ZNF326: variants seen among roughly 807,000 people sequenced by gnomAD.
ZNF326 encodes zinc finger protein 326, also known as DBIRD complex subunit ZNF326.
In ZNF326, 30 loss-of-function variants were observed where a neutral mutation model predicts 63.1. The observed-to-expected ratio is 0.48, with a 90% CI of 0.36 to 0.64. The LOEUF (loss-of-function observed/expected upper bound fraction) is 0.64, where lower values mean the gene tolerates loss of function less well. Ranked by LOEUF, ZNF326 falls within the 30% of genes least tolerant of loss-of-function variation. ZNF326 has a pLI of 0.00. For missense variants in ZNF326, 609 were observed against 720.3 expected, an observed-to-expected ratio of 0.85 and a Z score of 1.77; for synonymous variants, 194 against 228.2, an observed-to-expected ratio of 0.85 and a Z score of 1.35.
chr1:90,013,691 G>A (rs1011010184), intron 7 of ZNF326, among the ~76,000 whole-genome samples: 2 of 152,164 alleles, frequency 1.3e-5, no homozygotes, highest in African/African-American at 4.8e-5. Context: ...AATACACAAA[G>A]CTAATTATTA....
At chr1:89,996,923 T>G (rs1648407475) in intron 1 of ZNF326, among the ~76,000 whole-genome samples, 1 of 152,254 alleles carries the variant, frequency 6.6e-6, no homozygotes, top group South Asian at 2.1e-4. Context: ...AACAGTTCTT[T>G]CCACTCCCCA....
In ZNF326 at chr1:90,017,437, T is replaced by C; in HGVS notation, c.1047T>C (p.Phe349=). ...TLDHIQKQTK[F]DKVVMEFLHE... ...ATCATATACAGAAACAAACTAAATT[T>C]GATAAAGTAGTTATGGAGTTTTTGC... is the stretch of plus-strand genomic sequence containing the variant. The change falls in exon 8 of 12, where the codon TTT becomes TTC. Residue 349 remains phenylalanine (F), a synonymous_variant. Transcript: ENST00000340281. 6.3e-7 allele frequency: 1 copy of C among 1,592,800 alleles called. No homozygotes were observed. Among genetic ancestry groups the C allele is most frequent in the Non-Finnish European group, 8.5e-7 (1 of 1,174,188 alleles).
chr1:90,007,420 TA>T lies in ZNF326; in HGVS notation c.287del (p.Asn96MetfsTer46). 6.2e-7 allele frequency: 1 copy of T among 1,614,186 alleles called. No homozygotes were observed. Among genetic ancestry groups the T allele is most frequent in the Non-Finnish European group, 8.5e-7 (1 of 1,180,010 alleles). On this transcript the variant is annotated frameshift_variant, in exon 5 of 12. Coordinates refer to ENST00000340281, the MANE Select transcript of ZNF326 (RefSeq NM_182976.4). LOFTEE classifies it high-confidence loss of function. The surrounding 1 kb of genome is among the most constrained non-coding windows in gnomAD (Gnocchi z 4.9). ...RDLYRSGYGFNEPEQSRFGGS... is the reference protein window; with the variant it reads ...RDLYRSGYGFXEPEQSRFGGS... ...ATCTGTACAGATCTGGCTATGGTTTTAATGAACCCGAACAAAGCCGCTTCGG... is the reference window on the plus strand; with the variant it reads ...ATCTGTACAGATCTGGCTATGGTTTTATGAACCCGAACAAAGCCGCTTCGG...
At position 90,007,447 on chromosome 1, in the gene ZNF326, A is replaced by C. The variant is rs1250323102; in HGVS notation, c.312A>C (p.Gly104=). 9.3e-6 allele frequency: 15 copies of C among 1,613,834 alleles called. No homozygotes were observed. Among genetic ancestry groups the C allele is most frequent in the Non-Finnish European group, 1.7e-6 (2 of 1,179,992 alleles). ...GFNEPEQSRF[G]GSYGGRFESS... The stretch of plus-strand genomic sequence containing the variant: ...ATGAACCCGAACAAAGCCGCTTCGG[A>C]GGTAGTTATGGTGGTCGATTTGAGA... Residue 104 remains glycine, a synonymous_variant, in exon 5 of 12, where the codon GGA becomes GGC. Transcript: ENST00000340281. This position sits in a 1 kb window ranked among gnomAD's most constrained non-coding sequence, Gnocchi z 4.9.
At position 90,028,687 on chromosome 1, in the gene ZNF326, A is replaced by C. The variant is rs557304462; in HGVS notation, c.*986A>C. The C allele has an allele frequency of 2.6e-5, 4 of 152,326 alleles. No homozygotes were observed. In the East Asian group the frequency reaches 7.7e-4, roughly 29 times the overall value. The allele number at this position is 152,326 out of a possible 1,614,324, so 9.4% of individuals were successfully genotyped here. ...TGGCTTATATACCTACATATTTAAA[A>C]AGAGAACATGAGCTTGATAGAGGAT... On this transcript the variant is annotated 3_prime_UTR_variant, in exon 12 of 12. Coordinates refer to ENST00000340281, the MANE Select transcript of ZNF326 (RefSeq NM_182976.4).
intron 10 of ZNF326, among the ~76,000 whole-genome samples, chr1:90,021,300 T>C (rs1042386962): frequency 6.6e-6 from 1 of 152,094 alleles, no homozygotes; most frequent in Non-Finnish European, 1.5e-5. Flanking sequence ...ATCGTAGCTT[T>C]TGTTGAACTG....
In ZNF326 at chr1:90,030,972, A is replaced by G. The variant is rs1650246487; in HGVS notation, c.*3271A>G. ...CCACCACGCCTATCCTGGAGGTGAT[A>G]TATTTTTAACAAATATCTCACATGA... is the stretch of plus-strand genomic sequence containing the variant. On this transcript the variant is annotated 3_prime_UTR_variant, in exon 12 of 12. Coordinates refer to ENST00000340281, the MANE Select transcript of ZNF326 (RefSeq NM_182976.4). The G allele has an allele frequency of 1.3e-5, 2 of 152,190 alleles. No individual in the cohort carries two copies. The highest frequency in any genetic ancestry group is 4.8e-5 in the African/African-American group (2 of 41,434). The allele number at this position is 152,190 out of a possible 1,614,324, so 9.4% of individuals were successfully genotyped here.
chr1:90,005,312 A>C, intron 4 of ZNF326, 68 bp downstream of exon 4: 3 of 1,556,514 alleles, frequency 1.9e-6, no homozygotes, highest in Non-Finnish European at 1.7e-6. Context: ...TATTTTAAGT[A>C]CTCTTTAGGC....
chr1:90,027,631 A>G lies in ZNF326; in HGVS notation c.1679A>G (p.Glu560Gly). The G allele has an allele frequency of 6.2e-7, 1 of 1,613,896 alleles. No homozygotes were observed. Among genetic ancestry groups the G allele is most frequent in the Non-Finnish European group, 8.5e-7 (1 of 1,179,944 alleles). ...VEGVGEVEEVEELEEETAKEE... is the reference protein window; with the variant it reads ...VEGVGEVEEVGELEEETAKEE... ...GGAGTGGGGGAAGTAGAGGAAGTAG[A>G]GGAATTAGAGGAAGAGACAGCAAAG... The change falls in exon 12 of 12, where the codon GAG (glutamate) becomes GGG (glycine). Residue 560 changes from glutamate to glycine, a missense_variant. This residue lies in a region of ZNF326 where 399 missense variants were observed against 444.3 expected (regional missense o/e 0.90). Transcript: ENST00000340281.
chr1:90,002,489 G>A (rs964544602), intron 2 of ZNF326, among the ~76,000 whole-genome samples: 3 of 152,084 alleles, frequency 2.0e-5, no homozygotes, highest in Non-Finnish European at 4.4e-5. Flanking sequence ...GGCCTTAGAG[G>A]AAAACTTTTC....
intron 7 of ZNF326, 56 bp from the exon 8 acceptor site, chr1:90,017,261 A>T (rs1278841878): frequency 2.4e-6 from 3 of 1,224,796 alleles, no homozygotes; most frequent in Non-Finnish European, 3.4e-6. Flanking sequence ...ATTCTTATGA[A>T]CTCTTTATAG....
intron 4 of ZNF326, chr1:90,005,517 T>C: frequency 9.4e-7 from 1 of 1,060,396 alleles, no homozygotes; most frequent in Non-Finnish European, 1.1e-6. Context: ...AAAAATTCTT[T>C]TACTTTTAAC....
chr1:90,011,306 A>T (rs1036334022), intron 6 of ZNF326, among the ~76,000 whole-genome samples: 1 of 152,196 alleles, frequency 6.6e-6, no homozygotes, highest in African/African-American at 2.4e-5. Flanking sequence ...TTGCTATGCT[A>T]TAGTATAGAC....
chr1:90,003,368 G>A (rs181096459), intron 2 of ZNF326, among the ~76,000 whole-genome samples: 2 of 152,186 alleles, frequency 1.3e-5, no homozygotes, highest in Admixed American at 6.5e-5. Context: ...TCCTGACCTC[G>A]TGATCTACCT....
intron 11 of ZNF326, 133 bp downstream of exon 11, chr1:90,022,478 A>G: frequency 1.5e-6 from 1 of 668,844 alleles, no homozygotes; most frequent in Non-Finnish European, 2.5e-6. Context: ...TATCTTGCAT[A>G]TAGGTAAAAC....
At chr1:90,011,591 A>G (rs990301742) in intron 6 of ZNF326, among the ~76,000 whole-genome samples, 3 of 147,702 alleles carry the variant, frequency 2.0e-5, no homozygotes, top group Non-Finnish European at 3.0e-5. Context: ...GTGAGTTACC[A>G]CTCCATACCC....
chr1:90,018,365 T>A (rs1433807710), intron 8 of ZNF326, among the ~76,000 whole-genome samples: 4 of 152,108 alleles, frequency 2.6e-5, no homozygotes, highest in Non-Finnish European at 5.9e-5. Context: ...TTAACAATCT[T>A]CTGTAATTTA....
intron 7 of ZNF326, 89 bp from the exon 8 acceptor site, chr1:90,017,228 G>A: frequency 1.1e-6 from 1 of 908,850 alleles, no homozygotes; most frequent in Non-Finnish European, 1.6e-6. Flanking sequence ...CATTTATGTT[G>A]GTAAAATTAG....
In ZNF326 at chr1:90,020,794, G is replaced by A. The variant is rs753450224; in HGVS notation, c.1177G>A (p.Val393Ile). Residue 393 changes from valine (V) to isoleucine (I), a missense_variant and splice_region_variant, in exon 10 of 12, where the codon GTT (valine) becomes ATT (isoleucine). This residue lies in a region of ZNF326 where 399 missense variants were observed against 444.3 expected (regional missense o/e 0.90). Coordinates refer to ENST00000340281, the MANE Select transcript of ZNF326 (RefSeq NM_182976.4). ...TAATAATTGGATGTCTTTTGTAGGT[G>A]TTACTGTAGATGATCACATGATGAA... ...KIIEKDVMEGVTVDDHMMKVE... is the reference protein window; with the variant it reads ...KIIEKDVMEGITVDDHMMKVE... 7 of 1,606,188 alleles carry A rather than the reference G, an allele frequency of 4.4e-6. No homozygotes were observed. The East Asian group carries it at 1.3e-4, about 31-fold the overall frequency.
Sources: allele counts gnomAD v4.1 joint callset (sites outside exome capture counted in the v4.1 genomes callset), GRCh38; gene constraint gnomAD v4.1.1; regional missense constraint gnomAD v4.1.1; non-coding constraint Gnocchi (gnomAD v3.1); transcripts MANE v1.5; gene names NCBI Gene and HGNC (gene_info 2026-07-23, HGNC 2026-07-21).